The following ELP1 variants were observed in gnomAD, a reference collection of about 807,000 sequenced individuals.
The protein encoded by ELP1 is elongator complex protein 1.
ELP1 carries 131 observed loss-of-function variants against 183.2 expected under a neutral mutation model. That is an observed-to-expected ratio of 0.72 (90% CI 0.62 to 0.83). ELP1 has a LOEUF of 0.83. Ranked by LOEUF, ELP1 falls within the 40% of genes least tolerant of loss-of-function variation. The pLI is 0.00. For missense variants in ELP1, 1,550 were observed against 1,594.9 expected (o/e 0.97, Z 0.48); for synonymous variants, 555 against 569.0 (o/e 0.98, Z 0.35).
chr9:108,901,304 T>C (rs1828795251), intron 18 of ELP1, 121 bp downstream of exon 18: 2 of 728,588 alleles, frequency 2.7e-6, no homozygotes, highest in South Asian at 1.5e-5. Context: ...ACTCTAAAGA[T>C]TTTCTCCAGC....
chr9:108,904,726 T>C (rs1327044909), intron 14 of ELP1, among the ~76,000 whole-genome samples: 3 of 152,224 alleles, frequency 2.0e-5, no homozygotes, highest in Non-Finnish European at 4.4e-5. Flanking sequence ...GCAAATGGCA[T>C]ATACTTTACA....
intron 25 of ELP1, 60 bp from the exon 26 acceptor site, chr9:108,894,126 C>A: frequency 9.6e-7 from 1 of 1,046,622 alleles, no homozygotes; most frequent in Non-Finnish European, 1.4e-6. Flanking sequence ...GGAATAGAAA[C>A]TAGCATTTAC....
chr9:108,889,363 T>A lies in ELP1; in HGVS notation c.3191A>T (p.Asp1064Val), dbSNP rs746871379. Residue 1064 changes from aspartate (D) to valine (V), a missense_variant, in exon 29 of 37, where the codon GAT (aspartate) becomes GTT (valine). Coordinates refer to ENST00000374647, the MANE Select transcript of ELP1 (RefSeq NM_003640.5). ...GKLVEQRKHI[D>V]AAMVLEECAQ... ...ACACTCTTCCAAAACCATGGCCGCA[T>A]CAATGTGCTTCCTCTGCTCAACCAG... 12 of 1,614,174 alleles carry A rather than the reference T, an allele frequency of 7.4e-6. No individual in the cohort carries two copies. In the Admixed American group the frequency reaches 2.0e-4, roughly 27 times the overall value.
Position 108,917,539 on chromosome 9 carries a change from G to GCACTTACCT in ELP1, c.863_864+7dup. 6.2e-7 allele frequency: 1 copy of GCACTTACCT among 1,613,506 alleles called. No individual in the cohort carries two copies. Among genetic ancestry groups the GCACTTACCT allele is most frequent in the Non-Finnish European group, 8.5e-7 (1 of 1,179,748 alleles). On this transcript the variant is annotated splice_region_variant and intron_variant, in intron 9 of 36. Coordinates refer to ENST00000374647, the MANE Select transcript of ELP1 (RefSeq NM_003640.5). ...ACATTCGAGGGTGAAACAAACTCAG[G>GCACTTACCT]CACTTACCTTAACCTCATCTTTAAG...
chr9:108,894,743 C>T (rs1256750057), intron 25 of ELP1, among the ~76,000 whole-genome samples: 1 of 152,158 alleles, frequency 6.6e-6, no homozygotes, highest in African/African-American at 2.4e-5. Context: ...CCATGCTCTC[C>T]TGAAATGATC....
chr9:108,930,998 T>TAA lies in ELP1; in HGVS notation c.148_149insTT (p.Glu50ValfsTer3). On this transcript the variant is annotated frameshift_variant and splice_region_variant, in exon 2 of 37. Transcript: ENST00000374647. LOFTEE classifies it high-confidence loss of function. ...TGGCATTCTACATCAGTAACTTACT[T>TAA]CTCTTGAGACAGGGTCTACTTCTAT... 1 of 1,614,066 alleles carries TAA rather than the reference T, an allele frequency of 6.2e-7. No individual in the cohort carries two copies. Among genetic ancestry groups the TAA allele is most frequent in the Non-Finnish European group, 8.5e-7 (1 of 1,179,988 alleles).
At chr9:108,933,037 T>C (rs1276047262) in intron 1 of ELP1, among the ~76,000 whole-genome samples, 2 of 152,216 alleles carry the variant, frequency 1.3e-5, no homozygotes, top group African/African-American at 4.8e-5. Context: ...ACCAATACGC[T>C]GATTAGGCCT....
intron 26 of ELP1, among the ~76,000 whole-genome samples, chr9:108,893,677 T>A (rs147961113): frequency 7.8e-4 from 119 of 152,352 alleles, no homozygotes; most frequent in African/African-American, 2.8e-3. Flanking sequence ...TCTGAGACAC[T>A]GAAGTTAACT....
At chr9:108,916,113 A>C in intron 10 of ELP1, 91 bp downstream of exon 10, 3 of 952,244 alleles carry the variant, frequency 3.2e-6, no homozygotes, top group Non-Finnish European at 5.2e-6. Flanking sequence ...CTACTAAGGG[A>C]CTAAGTAGAA....
At chr9:108,924,240 A>C (rs560448829) in intron 5 of ELP1, among the ~76,000 whole-genome samples, 1 of 152,354 alleles carries the variant, frequency 6.6e-6, no homozygotes, top group East Asian at 1.9e-4. Flanking sequence ...TGTATCATGT[A>C]TAACTTTCAC....
intron 15 of ELP1, 39 bp downstream of exon 15, chr9:108,903,524 G>A: frequency 7.7e-7 from 1 of 1,291,128 alleles, no homozygotes; most frequent in Non-Finnish European, 1.1e-6. Context: ...AAGCATCTAT[G>A]TAAGTCATAA....
intron 3 of ELP1, among the ~76,000 whole-genome samples, chr9:108,927,934 CA>C (rs35125828): frequency 6.7e-6 from 1 of 149,180 alleles, no homozygotes; most frequent in South Asian, 2.1e-4. Flanking sequence ...TTAATAGGTA[CA>C]AAAAAAAATA....
intron 29 of ELP1, among the ~76,000 whole-genome samples, chr9:108,883,753 G>T (rs1335872518): frequency 2.6e-5 from 4 of 151,942 alleles, no homozygotes; most frequent in African/African-American, 9.7e-5. Context: ...AAATCCTACA[G>T]CAACCACTAA....
rs576476271 is a variant in ELP1 at position 108,913,816 on chromosome 9, T to G, written c.959-1322A>C. Among the ~76,000 whole-genome samples the G allele has an allele frequency of 6.8e-4, 103 of 152,274 alleles. 4 individuals carry two copies. The South Asian group carries it at 0.021, about 31-fold the overall frequency. ...CGCGCACCACCACGCCGGACTAATT[T>G]TTGCATTTTTAGTAGAGACAGGGTT... On this transcript the variant is annotated intron_variant, in intron 10 of 36. Coordinates refer to ENST00000374647, the MANE Select transcript of ELP1 (RefSeq NM_003640.5).
At position 108,868,889 on chromosome 9, in the gene ELP1, C is replaced by A; in HGVS notation, c.*226G>T. ...GAACAATCATTCTCACAAAATGGTG[C>A]CATAATGGTTAAAGCTTAATGTCTT... On this transcript the variant is annotated 3_prime_UTR_variant, in exon 37 of 37. Transcript: ENST00000374647. 1.6e-6 allele frequency: 1 copy of A among 609,498 alleles called. No individual in the cohort carries two copies. The allele number at this position is 609,498 out of a possible 1,614,324, so 37.8% of individuals were successfully genotyped here. A position where few individuals can be genotyped will look rare whatever the true frequency, so the allele number is the denominator to read the frequency against.
rs530045289 is a variant in ELP1, at chr9:108,879,623, C to T, written c.3461-66G>A. 35 of 1,145,220 alleles carry T rather than the reference C, an allele frequency of 3.1e-5. No individual in the cohort carries two copies. The East Asian group carries it at 4.1e-4, about 13-fold the overall frequency. The allele number at this position is 1,145,220 out of a possible 1,614,324, so 70.9% of individuals were successfully genotyped here. ...CTAATGTGTGGGTTTACTTTCAGGG[C>T]GGTAAATGAACTAACTAGAGTCAAC... On this transcript the variant is annotated intron_variant, in intron 32 of 36. Transcript: ENST00000374647.
intron 36 of ELP1, among the ~76,000 whole-genome samples, chr9:108,870,843 T>C (rs1402297579): frequency 6.6e-6 from 1 of 152,194 alleles, no homozygotes; most frequent in African/African-American, 2.4e-5. Context: ...GTAATCTTCC[T>C]CATTGTCTGG....
At chr9:108,932,141 A>G (rs1830020870) in intron 1 of ELP1, among the ~76,000 whole-genome samples, 2 of 152,218 alleles carry the variant, frequency 1.3e-5, no homozygotes, top group African/African-American at 2.4e-5. Flanking sequence ...TATGACATAG[A>G]AAGAATAAAG....
At position 108,901,424 on chromosome 9, in the gene ELP1, C is replaced by G; in HGVS notation, c.2014+1G>C. On this transcript the variant is annotated splice_donor_variant, in intron 18 of 36. Transcript: ENST00000374647. LOFTEE classifies it high-confidence loss of function. ...TTCTGTTTTATACATTGAAAACTTA[C>G]TTTTAAATGAAGCATCCCTCAGGCA... The G allele has an allele frequency of 6.2e-7, 1 of 1,600,182 alleles. No individual in the cohort carries two copies. The highest frequency in any genetic ancestry group is 1.1e-5 in the South Asian group (1 of 90,806).
Sources: gnomAD v4.1 joint callset for allele counts (sites outside exome capture counted in the v4.1 genomes callset) on GRCh38, gnomAD v4.1.1 for gene constraint, MANE v1.5 for transcripts, NCBI Gene and HGNC (gene_info 2026-07-23, HGNC 2026-07-21) for gene names.